ACSM6: variants seen among roughly 807,000 people sequenced by gnomAD.
ACSM6 encodes acyl-CoA synthetase medium chain family member 6.
ACSM6 carries 35 observed loss-of-function variants against 51.1 expected under a neutral mutation model. The observed-to-expected ratio is 0.69, with a 90% CI of 0.52 to 0.91. ACSM6 has a LOEUF of 0.91. Among genes scored for constraint, ACSM6 ranks in the 40% least tolerant of loss-of-function variants. The probability of loss-of-function intolerance (pLI) is 0.00; values close to 1 mark genes in which losing one functional copy is unlikely to be tolerated. For synonymous variants in ACSM6, 172 were observed against 207.3 expected (o/e 0.83, Z 1.46); for missense variants, 509 against 584.1 (o/e 0.87, Z 1.32).
At chr10:95,198,229 C>T (rs564322721) in intron 2 of ACSM6, among the ~76,000 whole-genome samples, 5 of 151,872 alleles carry the variant, frequency 3.3e-5, no homozygotes, top group Admixed American at 1.3e-4. Context: ...TACATATCAC[C>T]CTAAAAAAAA....
At chr10:95,203,184 G>A (rs2133374892) in intron 3 of ACSM6, among the ~76,000 whole-genome samples, 1 of 152,144 alleles carries the variant, frequency 6.6e-6, no homozygotes, top group South Asian at 2.1e-4. Flanking sequence ...AACTGTGCAT[G>A]CGAGGAATCT....
intron 2 of ACSM6, among the ~76,000 whole-genome samples, chr10:95,197,586 G>A (rs559975417): frequency 1.4e-4 from 22 of 152,294 alleles, no homozygotes; most frequent in African/African-American, 4.3e-4. Flanking sequence ...AGGAAGCATT[G>A]CTGCAAACAT....
At chr10:95,222,797 T>C (rs1201342096) in intron 9 of ACSM6, among the ~76,000 whole-genome samples, 3 of 152,008 alleles carry the variant, frequency 2.0e-5, no homozygotes, top group Non-Finnish European at 4.4e-5. Context: ...TTAACAACAC[T>C]GTATTACATA....
chr10:95,201,314 C>G lies in ACSM6; in HGVS notation c.193-671C>G, dbSNP rs1001791634. The stretch of plus-strand genomic sequence containing the variant: ...CAAATAGGTAATTTTGCAAACTTCA[C>G]TCCCCTCCAGCCTCCCCAATGTCTA... On this transcript the variant is annotated intron_variant, in intron 2 of 10. Transcript: ENST00000341686. 19 of 369,884 alleles carry G rather than the reference C, an allele frequency of 5.1e-5. 1 individual carries two copies. The highest frequency in any genetic ancestry group is 3.3e-4 in the South Asian group (17 of 51,200). 22.9% of individuals were successfully genotyped at this position (369,884 alleles called of 1,614,324 possible). A position where few individuals can be genotyped will look rare whatever the true frequency, so the allele number is the denominator to read the frequency against.
chr10:95,220,769 G>A (rs1244762896), intron 9 of ACSM6, among the ~76,000 whole-genome samples: 1 of 152,084 alleles, frequency 6.6e-6, no homozygotes, highest in Non-Finnish European at 1.5e-5. Flanking sequence ...ACAGGATGTG[G>A]AAGTTAACCT....
intron 8 of ACSM6, among the ~76,000 whole-genome samples, chr10:95,215,271 T>C (rs2133385991): frequency 6.6e-6 from 1 of 152,126 alleles, no homozygotes; most frequent in Non-Finnish European, 1.5e-5. Context: ...AATGAAAAAA[T>C]GATGGGGTAC....
At chr10:95,204,527 C>G (rs1447527291) in intron 3 of ACSM6, among the ~76,000 whole-genome samples, 3 of 152,044 alleles carry the variant, frequency 2.0e-5, no homozygotes, top group Non-Finnish European at 4.4e-5. Flanking sequence ...GCACTCCAGC[C>G]TGGGTGCCAG....
intron 5 of ACSM6, 43 bp from the exon 6 acceptor site, chr10:95,211,835 A>G (rs2034895993): frequency 6.5e-7 from 1 of 1,543,776 alleles, no homozygotes; most frequent in Non-Finnish European, 8.7e-7. Context: ...TGTTGCTAGT[A>G]CCAGCACGAG....
intron 2 of ACSM6, among the ~76,000 whole-genome samples, chr10:95,201,136 C>G (rs2034790306): frequency 6.6e-6 from 1 of 152,180 alleles, no homozygotes; most frequent in South Asian, 2.1e-4. Context: ...GGAGGGCACT[C>G]TTCTCTACTT....
chr10:95,197,800 G>A (rs2034749294), intron 2 of ACSM6, among the ~76,000 whole-genome samples: 1 of 152,196 alleles, frequency 6.6e-6, no homozygotes, highest in Non-Finnish European at 1.5e-5. Flanking sequence ...GGACAGTCAG[G>A]TCTTTCTCAT....
Position 95,195,432 on chromosome 10 carries a change from T to A in ACSM6, c.192+755T>A, listed in dbSNP as rs142067377. ...AGGAACAGTTTGGCTAGGTATAGGG[T>A]CAGAGGGAAGAGTATTGAGTTATGA... On this transcript the variant is annotated intron_variant, in intron 2 of 10. Transcript: ENST00000341686. Among the ~76,000 whole-genome samples the A allele has an allele frequency of 3.2e-3, 481 of 152,216 alleles. 1 individual carries two copies. Among genetic ancestry groups the A allele is most frequent in the African/African-American group, 0.011 (442 of 41,524 alleles).
intron 7 of ACSM6, 22 bp downstream of exon 7, chr10:95,212,962 G>C (rs780142609): frequency 1.3e-6 from 2 of 1,571,308 alleles, no homozygotes; most frequent in Non-Finnish European, 1.8e-6. Context: ...TCCCTCAGGA[G>C]AGAGTCCATT....
chr10:95,212,442 A>G (rs1449572153), intron 6 of ACSM6, among the ~76,000 whole-genome samples: 1 of 152,206 alleles, frequency 6.6e-6, no homozygotes, highest in Non-Finnish European at 1.5e-5. Context: ...CAGAGGCAGA[A>G]CTAGGAATTA....
At chr10:95,207,273 T>G (rs1369446884) in exon 4 of ACSM6, 1 of 1,614,176 alleles carries the variant, frequency 6.2e-7, no homozygotes, top group South Asian at 1.1e-5. Flanking sequence ...ATTACGCATG[T>G]CTAAGGCCCA....
At chr10:95,202,129 C>T (rs748213716) in exon 3 of ACSM6, 10 of 1,552,108 alleles carry the variant, frequency 6.4e-6, no homozygotes, top group African/African-American at 2.7e-5. Flanking sequence ...CCATGGAGAC[C>T]GGCTGATGAT....
chr10:95,221,669 C>T (rs2034996737), intron 9 of ACSM6, among the ~76,000 whole-genome samples: 1 of 152,006 alleles, frequency 6.6e-6, no homozygotes, highest in African/African-American at 2.4e-5. Flanking sequence ...AACATACAAC[C>T]TACCAAGACT....
chr10:95,210,648 A>C lies in ACSM6; in HGVS notation c.612-2A>C, dbSNP rs1382234039. 3 of 1,612,698 alleles carry C rather than the reference A, an allele frequency of 1.9e-6. No individual in the cohort carries two copies. Among genetic ancestry groups the C allele is most frequent in the Non-Finnish European group, 2.5e-6 (3 of 1,179,444 alleles). The stretch of plus-strand genomic sequence containing the variant: ...CACTGTTGCCTCTTTCCTGGCTTAC[A>C]GAGTTGCCCCTCCAAAGCAGACCTA... On this transcript the variant is annotated splice_acceptor_variant, in intron 4 of 10. Transcript: ENST00000341686. LOFTEE classifies it high-confidence loss of function.
Position 95,211,908 on chromosome 10 carries a change from CT to C in ACSM6, c.788del (p.Leu263CysfsTer14). The C allele has an allele frequency of 6.2e-7, 1 of 1,612,324 alleles. No homozygotes were observed. Among genetic ancestry groups the C allele is most frequent in the African/African-American group, 1.3e-5 (1 of 74,994 alleles). On this transcript the variant is annotated frameshift_variant, in exon 6 of 11. Coordinates refer to ENST00000341686, the Ensembl canonical transcript of ACSM6. LOFTEE classifies it high-confidence loss of function. ...GGATGGATCTCCAGCCAACAGATGT[CT>C]TGTGGAGTCTGGGTGATGCCTTTGG...
intron 2 of ACSM6, among the ~76,000 whole-genome samples, chr10:95,195,598 G>T (rs1257687908): frequency 6.6e-6 from 1 of 152,186 alleles, no homozygotes; most frequent in Non-Finnish European, 1.5e-5. Flanking sequence ...AAGTGGGGCT[G>T]GTGGTGCCCG....
Sources: gnomAD v4.1 joint callset for allele counts (sites outside exome capture counted in the v4.1 genomes callset) on GRCh38, gnomAD v4.1.1 for gene constraint, MANE v1.5 for transcripts, NCBI Gene and HGNC (gene_info 2026-07-23, HGNC 2026-07-21) for gene names.